The following SMAD5 variants were observed in gnomAD, a reference collection of about 807,000 sequenced individuals.
SMAD5 encodes MAD, mothers against decapentaplegic homolog 5.
SMAD5 carries 9 observed loss-of-function variants against 43.1 expected under a neutral mutation model. The observed-to-expected ratio is 0.21, with a 90% CI of 0.13 to 0.36. SMAD5 has a LOEUF of 0.36. Ranked by LOEUF, SMAD5 falls within the 10% of genes least tolerant of loss-of-function variation. SMAD5 has a pLI of 1.00. For missense variants in SMAD5, 348 were observed against 574.0 expected, an observed-to-expected ratio of 0.61 and a Z score of 4.02; for synonymous variants, 190 against 192.4, an observed-to-expected ratio of 0.99 and a Z score of 0.10.
At chr5:136,150,759 G>C (rs182158922) in intron 2 of SMAD5, among the ~76,000 whole-genome samples, 4 of 152,058 alleles carry the variant, frequency 2.6e-5, no homozygotes, top group Admixed American at 6.6e-5. Context: ...CTTAAGTCTT[G>C]GTTCGTCTTC....
chr5:136,154,869 A>G (rs1385151419), intron 3 of SMAD5, among the ~76,000 whole-genome samples: 1 of 152,040 alleles, frequency 6.6e-6, no homozygotes, highest in East Asian at 1.9e-4. Flanking sequence ...ATCTCCTTCC[A>G]TCCTACTCAA....
intron 5 of SMAD5, among the ~76,000 whole-genome samples, chr5:136,171,307 C>G (rs1417456231): frequency 6.6e-6 from 1 of 152,110 alleles, no homozygotes; most frequent in Non-Finnish European, 1.5e-5. Flanking sequence ...TCCTTCAGGT[C>G]TCTGAAAAAG....
At chr5:136,157,420 T>G (rs1318517952) in intron 3 of SMAD5, among the ~76,000 whole-genome samples, 2 of 152,122 alleles carry the variant, frequency 1.3e-5, no homozygotes, top group South Asian at 4.1e-4. Context: ...GTTTTGGGAT[T>G]ATTCAAGCAC....
At chr5:136,157,734 G>T (rs1003669911) in intron 3 of SMAD5, among the ~76,000 whole-genome samples, 4 of 152,208 alleles carry the variant, frequency 2.6e-5, no homozygotes, top group Admixed American at 2.6e-4. Flanking sequence ...GCAATGGGGA[G>T]TGGCTGGAAA....
Position 136,177,766 on chromosome 5 carries a change from G to A in SMAD5, c.*286G>A, listed in dbSNP as rs1754477614. ...AACTGGAACATGCTTTTACTTTATT[G>A]CCCTAACAATTTTTTATTAAATTTA... On this transcript the variant is annotated 3_prime_UTR_variant, in exon 8 of 8. Coordinates refer to ENST00000545279, the MANE Select transcript of SMAD5 (RefSeq NM_005903.7). The A allele has an allele frequency of 3.7e-6, 1 of 271,268 alleles. No individual in the cohort carries two copies. The allele number at this position is 271,268 out of a possible 1,614,324, so 16.8% of individuals were successfully genotyped here. A position where few individuals can be genotyped will look rare whatever the true frequency, so the allele number is the denominator to read the frequency against.
chr5:136,174,965 T>C (rs1270773875), intron 7 of SMAD5, among the ~76,000 whole-genome samples: 2 of 152,182 alleles, frequency 1.3e-5, no homozygotes, highest in Admixed American at 6.5e-5. Context: ...TACTCAAGAC[T>C]GGGTAATTTA....
chr5:136,160,899 A>T lies in SMAD5; in HGVS notation c.447A>T (p.Pro149=), dbSNP rs746685285. 1.2e-6 allele frequency: 2 copies of T among 1,613,792 alleles called. No individual in the cohort carries two copies. The highest frequency in any genetic ancestry group is 1.7e-5 in the Admixed American group (1 of 59,998). ...TGCCTCGTCATAATGAATTCAATCC[A>T]CAACACAGCCTTCTGGTTCAGTTTA... ...VLVPRHNEFN[P]QHSLLVQFRN... Residue 149 remains proline (P), a synonymous_variant, in exon 4 of 8, where the codon CCA becomes CCT. Transcript: ENST00000545279.
intron 2 of SMAD5, chr5:136,152,785 CCAGCTTCTATCGGTGG>C (rs1753512943): frequency 1.3e-5 from 2 of 152,386 alleles, no homozygotes; most frequent in Non-Finnish European, 2.9e-5. Flanking sequence ...CTGGTTTTTA[CCAGCTTCTATCGGTGG>C]AGTGCCTGTC....
At chr5:136,163,494 T>C in intron 5 of SMAD5, 103 bp downstream of exon 5, 1 of 972,598 alleles carries the variant, frequency 1.0e-6, no homozygotes, top group Non-Finnish European at 1.4e-6. Context: ...TTATATGCTA[T>C]AAAATTTTTT....
chr5:136,142,377 T>C (rs896598152), intron 1 of SMAD5, among the ~76,000 whole-genome samples: 2 of 152,142 alleles, frequency 1.3e-5, no homozygotes, highest in Non-Finnish European at 2.9e-5. Flanking sequence ...ATTCATGATA[T>C]ACCGTAATTT....
At position 136,180,270 on chromosome 5, in the gene SMAD5, T is replaced by C. The variant is rs1392990268; in HGVS notation, c.*2790T>C. 1 of 152,186 alleles carries C rather than the reference T, an allele frequency of 6.6e-6. No homozygotes were observed. The highest frequency in any genetic ancestry group is 2.4e-5 in the African/African-American group (1 of 41,474). The allele number at this position is 152,186 out of a possible 1,614,324, so 9.4% of individuals were successfully genotyped here. ...TGAAAGAAACCATTTTAGCAAATTA[T>C]GGTTATATGTTTTAATTTAATCTAC... On this transcript the variant is annotated 3_prime_UTR_variant, in exon 8 of 8. Coordinates refer to ENST00000545279, the MANE Select transcript of SMAD5 (RefSeq NM_005903.7).
intron 5 of SMAD5, among the ~76,000 whole-genome samples, chr5:136,171,208 C>A (rs1184648664): frequency 6.6e-6 from 1 of 151,986 alleles, no homozygotes; most frequent in African/African-American, 2.4e-5. Context: ...AGGAAGTTCC[C>A]CTCTATTCCT....
Position 136,182,217 on chromosome 5 carries a change from TC to T in SMAD5, c.*4740del, listed in dbSNP as rs1754651877. On this transcript the variant is annotated 3_prime_UTR_variant, in exon 8 of 8. Coordinates refer to ENST00000545279, the MANE Select transcript of SMAD5 (RefSeq NM_005903.7). Reference sequence around the variant, plus strand: ...ACAAAACTCCAGTAAGGCCAAAGAATCCCAAGTTCTTTGTGGAAAAAAAAAA... The same window carrying T: ...ACAAAACTCCAGTAAGGCCAAAGAATCCAAGTTCTTTGTGGAAAAAAAAAA... 1.4e-5 allele frequency: 2 copies of T among 145,602 alleles called. No homozygotes were observed. The highest frequency in any genetic ancestry group is 5.3e-5 in the African/African-American group (2 of 38,044). 9.0% of individuals were successfully genotyped at this position (145,602 alleles called of 1,614,324 possible). A position where few individuals can be genotyped will look rare whatever the true frequency, so the allele number is the denominator to read the frequency against.
chr5:136,135,427 CT>C (rs926168389), intron 1 of SMAD5, among the ~76,000 whole-genome samples: 3 of 152,154 alleles, frequency 2.0e-5, no homozygotes, highest in African/African-American at 7.2e-5. Flanking sequence ...CAGTGATGAT[CT>C]TTTTTGTCCT....
chr5:136,163,649 C>G (rs1359425132), intron 5 of SMAD5, among the ~76,000 whole-genome samples: 1 of 152,124 alleles, frequency 6.6e-6, no homozygotes, highest in East Asian at 1.9e-4. Flanking sequence ...GCTCCACATA[C>G]CCTCTAATCT....
At chr5:136,143,961 T>C (rs1753178268) in intron 1 of SMAD5, among the ~76,000 whole-genome samples, 3 of 152,102 alleles carry the variant, frequency 2.0e-5, no homozygotes, top group Admixed American at 6.6e-5. Flanking sequence ...ACTTTCCAGT[T>C]ATACTGTTCT....
rs1282558894 is a variant in SMAD5 at position 136,177,403 on chromosome 5, C to G, written c.1321C>G (p.His441Asp). Reference sequence around the variant, plus strand: ...CCCATGTTGGATTGAGATTCATCTTCATGGGCCTCTTCAGTGGCTGGATAA... The same window carrying G: ...CCCATGTTGGATTGAGATTCATCTTGATGGGCCTCTTCAGTGGCTGGATAA... ...STPCWIEIHL[H>D]GPLQWLDKVL... Residue 441 changes from histidine to aspartate, a missense_variant, in exon 8 of 8, where the codon CAT (histidine) becomes GAT (aspartate). Around this residue, in one of 5 missense-constraint regions of SMAD5, gnomAD observed 97 missense variants for 211.8 expected, o/e 0.46. Coordinates refer to ENST00000545279, the MANE Select transcript of SMAD5 (RefSeq NM_005903.7). The G allele has an allele frequency of 6.2e-7, 1 of 1,612,168 alleles. No homozygotes were observed.
rs1554105201 is a variant in SMAD5 at position 136,180,723 on chromosome 5, AT to A, written c.*3244del. ...ATTGTATTGTTGCTATATAAAAAAA[AT>A]AATAGAATTGGTTGGGTTTCTGAGG... On this transcript the variant is annotated 3_prime_UTR_variant, in exon 8 of 8. Coordinates refer to ENST00000545279, the MANE Select transcript of SMAD5 (RefSeq NM_005903.7). The A allele has an allele frequency of 6.6e-5, 10 of 152,180 alleles. No individual in the cohort carries two copies. Among genetic ancestry groups the A allele is most frequent in the South Asian group, 2.1e-4 (1 of 4,836 alleles). 9.4% of individuals were successfully genotyped at this position (152,180 alleles called of 1,614,324 possible). A position where few individuals can be genotyped will look rare whatever the true frequency, so the allele number is the denominator to read the frequency against.
intron 1 of SMAD5, among the ~76,000 whole-genome samples, chr5:136,142,252 A>T (rs957622054): frequency 6.6e-6 from 1 of 152,188 alleles, no homozygotes; most frequent in African/African-American, 2.4e-5. Context: ...GTAAGCATAT[A>T]AGAGGGGGAC....
Sources: gnomAD v4.1 joint callset for allele counts (sites outside exome capture counted in the v4.1 genomes callset) on GRCh38, gnomAD v4.1.1 for gene constraint, gnomAD v4.1.1 regional missense constraint, MANE v1.5 for transcripts, NCBI Gene and HGNC (gene_info 2026-07-23, HGNC 2026-07-21) for gene names.